WWP1: variants seen among roughly 807,000 people sequenced by gnomAD.
The protein encoded by WWP1 is WW domain containing E3 ubiquitin protein ligase 1.
Under a neutral mutation model 130.6 loss-of-function variants are expected in WWP1, and 49 were observed. That is an observed-to-expected ratio of 0.38 (90% CI 0.30 to 0.48). WWP1 has a LOEUF of 0.48. WWP1 is among the 20% of genes least tolerant of loss of function. WWP1 has a pLI of 0.99. For missense variants in WWP1, 809 were observed against 1,100.6 expected (o/e 0.74, Z 3.75); for synonymous variants, 332 against 367.8 (o/e 0.90, Z 1.11).
intron 1 of WWP1, among the ~76,000 whole-genome samples, chr8:86,364,574 G>A (rs1213588513): frequency 6.6e-6 from 1 of 152,050 alleles, no homozygotes; most frequent in Non-Finnish European, 1.5e-5. Context: ...GGGAGTCTGG[G>A]GTGGGAGGCT....
At chr8:86,406,626 G>A (rs1042436718) in intron 8 of WWP1, among the ~76,000 whole-genome samples, 9 of 152,198 alleles carry the variant, frequency 5.9e-5, no homozygotes, top group South Asian at 4.1e-4. Context: ...AACCCATACA[G>A]CTTGTTCACA....
At chr8:86,455,318 T>C (rs902186665) in intron 21 of WWP1, among the ~76,000 whole-genome samples, 2 of 151,948 alleles carry the variant, frequency 1.3e-5, no homozygotes, top group African/African-American at 4.8e-5. Flanking sequence ...TTTTACCAAA[T>C]ACCCTAGCCA....
At chr8:86,379,593 G>T (rs1001334764) in intron 3 of WWP1, among the ~76,000 whole-genome samples, 3 of 152,084 alleles carry the variant, frequency 2.0e-5, no homozygotes, top group African/African-American at 7.2e-5. Context: ...ATTTTGCCCA[G>T]AAAGTAGATA....
rs1160187618 is a variant in WWP1 at position 86,398,491 on chromosome 8, TTA to T, written c.472+16_472+17del. On this transcript the variant is annotated intron_variant, in intron 6 of 24. Transcript: ENST00000517970. ...CTCATCTCCAACCAGTAAGCTAACT[TTA>T]TATGTTTGTAAAATTTCAAGGAAAA... The T allele has an allele frequency of 1.9e-6, 3 of 1,610,024 alleles. No individual in the cohort carries two copies. Among genetic ancestry groups the T allele is most frequent in the Middle Eastern group, 1.7e-4 (1 of 6,026 alleles).
intron 24 of WWP1, among the ~76,000 whole-genome samples, chr8:86,464,966 T>A (rs1811968389): frequency 6.6e-6 from 1 of 152,044 alleles, no homozygotes; most frequent in South Asian, 2.1e-4. Context: ...AAAGGGAGAA[T>A]TAAAATAGAT....
chr8:86,425,359 C>T (rs1387393081), intron 10 of WWP1, 41 bp downstream of exon 10: 8 of 1,498,082 alleles, frequency 5.3e-6, no homozygotes, highest in Non-Finnish European at 6.4e-6. Flanking sequence ...TATATTTTAT[C>T]ACACATGTGG....
At chr8:86,394,832 T>C (rs117964885) in intron 5 of WWP1, among the ~76,000 whole-genome samples, 111 of 150,454 alleles carry the variant, frequency 7.4e-4, no homozygotes, top group Non-Finnish European at 1.4e-3. Flanking sequence ...TGAAATAATA[T>C]ATACTGTAAA....
intron 1 of WWP1, among the ~76,000 whole-genome samples, chr8:86,363,939 G>C (rs962186817): frequency 6.6e-6 from 1 of 152,112 alleles, no homozygotes; most frequent in Non-Finnish European, 1.5e-5. Context: ...TCCTTGAAAG[G>C]GTGGTTAGTT....
Position 86,402,217 on chromosome 8 carries a change from T to C in WWP1, c.724+14T>C, listed in dbSNP as rs1410709560. The stretch of plus-strand genomic sequence containing the variant: ...CCGATGACACTGGTAAGCAAGGCTA[T>C]TTATGACACCTTGTTTAAAGGAAAA... On this transcript the variant is annotated intron_variant, in intron 8 of 24. Transcript: ENST00000517970. 1.2e-6 allele frequency: 2 copies of C among 1,610,012 alleles called. No individual in the cohort carries two copies. Among genetic ancestry groups the C allele is most frequent in the Non-Finnish European group, 8.5e-7 (1 of 1,178,248 alleles).
rs1479726645 is a variant in WWP1 at position 86,457,414 on chromosome 8, T to C, written c.2395-507T>C. The stretch of plus-strand genomic sequence containing the variant: ...AGCCAGTTTGGGGGAGATCTATCTG[T>C]CTGTCTGTCTGTCTGTCTATCTATC... On this transcript the variant is annotated intron_variant, in intron 21 of 24. Coordinates refer to ENST00000517970, the MANE Select transcript of WWP1 (RefSeq NM_007013.4). Among the ~76,000 whole-genome samples the C allele has an allele frequency of 4.5e-4, 22 of 49,320 alleles. No individual in the cohort carries two copies. In the East Asian group the frequency reaches 6.2e-3, roughly 14 times the overall value. 32.4% of individuals were successfully genotyped at this position (49,320 alleles called of 152,430 possible). A position where few individuals can be genotyped will look rare whatever the true frequency, so the allele number is the denominator to read the frequency against.
At chr8:86,403,181 T>C (rs1157235587) in intron 8 of WWP1, among the ~76,000 whole-genome samples, 1 of 152,246 alleles carries the variant, frequency 6.6e-6, no homozygotes, top group Non-Finnish European at 1.5e-5. Flanking sequence ...CTGGTCTTTT[T>C]ATTCAAGAGC....
At position 86,466,907 on chromosome 8, in the gene WWP1, T is replaced by C. The variant is rs769942103; in HGVS notation, c.*14T>C. On this transcript the variant is annotated 3_prime_UTR_variant, in exon 25 of 25. Transcript: ENST00000517970. Reference sequence around the variant, plus strand: ...GGACAAGAATGAATGTGGCTTCTTATTTTGGAGGAGCTCTTGCATTTAAAT... The same window carrying C: ...GGACAAGAATGAATGTGGCTTCTTACTTTGGAGGAGCTCTTGCATTTAAAT... 1.9e-6 allele frequency: 3 copies of C among 1,588,414 alleles called. No homozygotes were observed. Among genetic ancestry groups the C allele is most frequent in the Non-Finnish European group, 2.6e-6 (3 of 1,164,232 alleles).
intron 5 of WWP1, among the ~76,000 whole-genome samples, chr8:86,384,026 G>A (rs1300666579): frequency 6.6e-6 from 1 of 152,102 alleles, no homozygotes; most frequent in East Asian, 1.9e-4. Context: ...TTATTGTGAG[G>A]CCTCTCTTCT....
intron 2 of WWP1, among the ~76,000 whole-genome samples, chr8:86,370,661 C>A (rs1003870957): frequency 6.6e-6 from 1 of 152,062 alleles, no homozygotes; most frequent in Non-Finnish European, 1.5e-5. Flanking sequence ...TGATAACCAT[C>A]AAAATAATTC....
At chr8:86,358,733 TC>T (rs1823396291) in intron 1 of WWP1, among the ~76,000 whole-genome samples, 2 of 152,096 alleles carry the variant, frequency 1.3e-5, no homozygotes, top group Non-Finnish European at 2.9e-5. Flanking sequence ...GGTCTCGAAC[TC>T]CTGGGCTCAA....
chr8:86,376,141 T>C (rs1235518843), intron 3 of WWP1, among the ~76,000 whole-genome samples: 1 of 152,254 alleles, frequency 6.6e-6, no homozygotes, highest in Non-Finnish European at 1.5e-5. Flanking sequence ...ACTTTTGCTC[T>C]GTATAAGAAG....
chr8:86,342,999 C>T (rs1009754181), intron 1 of WWP1, 69 bp downstream of exon 1: 4 of 310,756 alleles, frequency 1.3e-5, no homozygotes, highest in Admixed American at 1.0e-4. Context: ...GGCCCTGAGC[C>T]TTGGCCGCGG....
At chr8:86,452,718 T>G in intron 21 of WWP1, 39 bp downstream of exon 21, 2 of 1,604,862 alleles carry the variant, frequency 1.2e-6, no homozygotes, top group Non-Finnish European at 1.7e-6. Context: ...GGAATGTTAG[T>G]GGGGGGAGGG....
intron 17 of WWP1, among the ~76,000 whole-genome samples, chr8:86,441,769 G>A (rs1347266562): frequency 6.6e-6 from 1 of 152,202 alleles, no homozygotes; most frequent in Non-Finnish European, 1.5e-5. Flanking sequence ...ATGGAGGATT[G>A]TGGCTAAGCA....
Sources: allele counts gnomAD v4.1 joint callset (sites outside exome capture counted in the v4.1 genomes callset), GRCh38; gene constraint gnomAD v4.1.1; transcripts MANE v1.5; gene names NCBI Gene and HGNC (gene_info 2026-07-23, HGNC 2026-07-21).